Variants in ADCYAP1R1 observed in about 807,000 individuals in gnomAD.
ADCYAP1R1 encodes ADCYAP receptor type I.
A neutral mutation model predicts 67.6 loss-of-function variants in ADCYAP1R1; 44 were observed. The ratio of observed to expected loss-of-function variants is 0.65; its 90% CI spans 0.51 to 0.84. The LOEUF is 0.84. Ranked by LOEUF, ADCYAP1R1 falls within the 40% of genes least tolerant of loss-of-function variation. The pLI, the probability that ADCYAP1R1 is intolerant of heterozygous loss-of-function variation, is 0.00. For synonymous variants in ADCYAP1R1, 222 were observed against 219.6 expected, an observed-to-expected ratio of 1.01 and a Z score of -0.10; for missense variants, 477 against 587.9, an observed-to-expected ratio of 0.81 and a Z score of 1.95.
intron 5 of ADCYAP1R1, among the ~76,000 whole-genome samples, chr7:31,080,859 G>A (rs1445441534): frequency 6.6e-6 from 1 of 152,180 alleles, no homozygotes; most frequent in Non-Finnish European, 1.5e-5. Context: ...ACGACCTCAG[G>A]TCCCTCACAG....
chr7:31,089,164 G>A (rs1453825797), intron 12 of ADCYAP1R1, among the ~76,000 whole-genome samples: 1 of 152,094 alleles, frequency 6.6e-6, no homozygotes, highest in Non-Finnish European at 1.5e-5. Context: ...CTGGTGTACA[G>A]GAAAGCTATT....
chr7:31,066,273 C>G (rs889207501), intron 3 of ADCYAP1R1, among the ~76,000 whole-genome samples: 4 of 152,158 alleles, frequency 2.6e-5, no homozygotes, highest in African/African-American at 4.8e-5. Context: ...TCCTGCATTG[C>G]GTGTCTCAGA....
intron 12 of ADCYAP1R1, among the ~76,000 whole-genome samples, chr7:31,089,650 T>C (rs770125524): frequency 4.6e-5 from 7 of 152,198 alleles, no homozygotes; most frequent in Non-Finnish European, 8.8e-5. Flanking sequence ...GAAGGGTATG[T>C]ACATTTAACA....
intron 3 of ADCYAP1R1, among the ~76,000 whole-genome samples, chr7:31,070,050 G>C (rs1372914561): frequency 6.6e-6 from 1 of 152,190 alleles, no homozygotes; most frequent in Admixed American, 6.5e-5. Flanking sequence ...AACCACATTG[G>C]GGGCCAGAGC....
intron 3 of ADCYAP1R1, among the ~76,000 whole-genome samples, chr7:31,066,055 C>T (rs1055646280): frequency 1.4e-4 from 18 of 131,692 alleles, no homozygotes; most frequent in African/African-American, 5.3e-4. Flanking sequence ...ATTCGGGGCC[C>T]CACCAGTGAG....
At position 31,087,772 on chromosome 7, in the gene ADCYAP1R1, A is replaced by G. The variant is rs77898712; in HGVS notation, c.954+76A>G. 1.1e-3 allele frequency: 1,306 copies of G among 1,217,300 alleles called. 13 individuals carry two copies. In the African/African-American group the frequency reaches 0.018, roughly 17 times the overall value. 75.4% of individuals were successfully genotyped at this position (1,217,300 alleles called of 1,614,324 possible). A position where few individuals can be genotyped will look rare whatever the true frequency, so the allele number is the denominator to read the frequency against. On this transcript the variant is annotated intron_variant, in intron 12 of 15. Transcript: ENST00000304166. ...AAAGGCACGCGAGGAAGAGAAATGAAAGAGTCCCCACACAACCTGACTTCC... is the reference window on the plus strand; with the variant it reads ...AAAGGCACGCGAGGAAGAGAAATGAGAGAGTCCCCACACAACCTGACTTCC...
At chr7:31,096,361 G>A (rs1333473443) in intron 13 of ADCYAP1R1, among the ~76,000 whole-genome samples, 9 of 152,198 alleles carry the variant, frequency 5.9e-5, no homozygotes, top group Admixed American at 5.9e-4. Flanking sequence ...GCAGCTTTCA[G>A]TCTAGAGGCT....
At chr7:31,098,248 T>C (rs9690055) in intron 13 of ADCYAP1R1, among the ~76,000 whole-genome samples, 4,317 of 152,256 alleles carry the variant, frequency 0.028, 211 homozygotes, top group African/African-American at 0.097. Flanking sequence ...ATTTGAAGAA[T>C]AGAATAGGTA....
intron 12 of ADCYAP1R1, 108 bp downstream of exon 12, chr7:31,087,804 G>A: frequency 1.3e-6 from 1 of 782,372 alleles, no homozygotes; most frequent in Non-Finnish European, 2.1e-6. Context: ...TTCCTCCTCT[G>A]TCATGGCTGC....
At chr7:31,053,126 C>A (rs992217055) in intron 1 of ADCYAP1R1, among the ~76,000 whole-genome samples, 27 of 152,162 alleles carry the variant, frequency 1.8e-4, no homozygotes, top group Non-Finnish European at 1.5e-4. Flanking sequence ...GCTGGAGGGT[C>A]CCCCGGGGCT....
intron 14 of ADCYAP1R1, 145 bp from the exon 15 acceptor site, chr7:31,104,723 C>T (rs1383053532): frequency 3.4e-6 from 3 of 894,174 alleles, no homozygotes; most frequent in Non-Finnish European, 5.5e-6. Flanking sequence ...GTAGAACTGT[C>T]CCATCTTACC....
intron 3 of ADCYAP1R1, among the ~76,000 whole-genome samples, chr7:31,065,523 C>T (rs1449213795): frequency 6.6e-6 from 1 of 152,142 alleles, no homozygotes; most frequent in Admixed American, 6.5e-5. Context: ...TCTAAATGCC[C>T]ATAACGTCCC....
At chr7:31,066,303 C>T (rs1794735478) in intron 3 of ADCYAP1R1, among the ~76,000 whole-genome samples, 1 of 152,150 alleles carries the variant, frequency 6.6e-6, no homozygotes, top group Admixed American at 6.5e-5. Context: ...GGTTGAGCGA[C>T]AAAATCATCC....
At chr7:31,060,209 C>T (rs58896249) in intron 1 of ADCYAP1R1, among the ~76,000 whole-genome samples, 10,166 of 152,212 alleles carry the variant, frequency 0.067, 844 homozygotes, top group African/African-American at 0.19. Flanking sequence ...GAGGCCCCTG[C>T]AAGTCTGGGC....
intron 3 of ADCYAP1R1, among the ~76,000 whole-genome samples, chr7:31,075,415 C>G (rs1795167650): frequency 6.6e-6 from 1 of 152,132 alleles, no homozygotes; most frequent in Non-Finnish European, 1.5e-5. Context: ...CCCCTAAAAG[C>G]TGCAGGCCTC....
intron 13 of ADCYAP1R1, 64 bp downstream of exon 13, chr7:31,092,799 C>A: frequency 7.8e-7 from 1 of 1,286,524 alleles, no homozygotes; most frequent in Non-Finnish European, 1.1e-6. Context: ...GCATTCAGGT[C>A]ACAGCAGAAG....
intron 13 of ADCYAP1R1, chr7:31,095,542 TG>T (rs760946233): frequency 4.3e-6 from 3 of 696,098 alleles, no homozygotes. Flanking sequence ...GGGCAGTGAA[TG>T]GGGGGAGAGG....
Position 31,102,326 on chromosome 7 carries a change from ACT to A in ADCYAP1R1, c.1047-906_1047-905del, listed in dbSNP as rs1449557253. ...GGCCACATCTGCAGGGCAGAGCTGG[ACT>A]CTCTGGGGGAGACCCACAGGGAGCC... On this transcript the variant is annotated intron_variant, in intron 13 of 15. Coordinates refer to ENST00000304166, the MANE Select transcript of ADCYAP1R1 (RefSeq NM_001118.5). The surrounding 1 kb of genome is among the most constrained non-coding windows in gnomAD (Gnocchi z 4.3). 6.6e-6 allele frequency among the ~76,000 whole-genome samples: 1 copy of A among 152,032 alleles called. No homozygotes were observed. Among genetic ancestry groups the A allele is most frequent in the Non-Finnish European group, 1.5e-5 (1 of 67,982 alleles).
chr7:31,109,147 C>T lies in ADCYAP1R1; in HGVS notation c.*2463C>T, dbSNP rs546087557. ...CCATGCACTGTGCTGCTTCCTGAGC[C>T]TGGCCCTGCATCCTCATAGAGGTGC... On this transcript the variant is annotated 3_prime_UTR_variant, in exon 16 of 16. Coordinates refer to ENST00000304166, the MANE Select transcript of ADCYAP1R1 (RefSeq NM_001118.5). The T allele has an allele frequency of 6.6e-6, 1 of 152,340 alleles. No individual in the cohort carries two copies. Among genetic ancestry groups the T allele is most frequent in the African/African-American group, 2.4e-5 (1 of 41,574 alleles). The allele number at this position is 152,340 out of a possible 1,614,324, so 9.4% of individuals were successfully genotyped here. A position where few individuals can be genotyped will look rare whatever the true frequency, so the allele number is the denominator to read the frequency against.
Sources: gnomAD v4.1 joint callset for allele counts (sites outside exome capture counted in the v4.1 genomes callset) on GRCh38, gnomAD v4.1.1 for gene constraint, Gnocchi (gnomAD v3.1) non-coding constraint, MANE v1.5 for transcripts, NCBI Gene and HGNC (gene_info 2026-07-23, HGNC 2026-07-21) for gene names.